The following SLC9A9 variants were observed in gnomAD, a reference collection of about 807,000 sequenced individuals.
SLC9A9 encodes the protein sodium/hydrogen exchanger 9.
In SLC9A9, 62 loss-of-function variants were observed where a neutral mutation model predicts 77.8. The observed-to-expected ratio is 0.80, with a 90% CI of 0.65 to 0.98. SLC9A9 has a LOEUF of 0.98. Among genes scored for constraint, SLC9A9 ranks in the 50% least tolerant of loss-of-function variants. The probability of loss-of-function intolerance (pLI) is 0.00; values close to 1 mark genes in which losing one functional copy is unlikely to be tolerated. For synonymous variants in SLC9A9, 320 were observed against 283.5 expected, an observed-to-expected ratio of 1.13 and a Z score of -1.29; for missense variants, 775 against 774.9, an observed-to-expected ratio of 1.00 and a Z score of 0.00.
intron 6 of SLC9A9, among the ~76,000 whole-genome samples, chr3:143,617,957 G>GGA (rs141088456): frequency 0.041 from 6,311 of 152,294 alleles, 243 homozygotes; most frequent in African/African-American, 0.1. Context: ...ATGGACTACA[G>GGA]GAGAGAGAGT....
At chr3:143,417,569 G>GGA (rs148720976) in intron 12 of SLC9A9, among the ~76,000 whole-genome samples, 74 of 150,990 alleles carry the variant, frequency 4.9e-4, no homozygotes, top group Non-Finnish European at 9.2e-4. Context: ...AGGGATGGAT[G>GGA]GAGAGAGAGA....
chr3:143,578,856 A>T (rs1195193733), intron 6 of SLC9A9, 133 bp from the exon 7 acceptor site: 2 of 1,031,006 alleles, frequency 1.9e-6, no homozygotes, highest in Non-Finnish European at 3.0e-6. Context: ...AGGGGAAAAC[A>T]GATACAGAAG....
chr3:143,354,030 A>G (rs1479466979), intron 14 of SLC9A9, among the ~76,000 whole-genome samples: 1 of 152,176 alleles, frequency 6.6e-6, no homozygotes, highest in African/African-American at 2.4e-5. Context: ...TAAGGGTTTC[A>G]CGCTTGACTT....
At chr3:143,473,023 T>C (rs2035406276) in intron 11 of SLC9A9, among the ~76,000 whole-genome samples, 1 of 150,714 alleles carries the variant, frequency 6.6e-6, no homozygotes. Context: ...TTTTTTTCAC[T>C]AGAAGTGCAC....
intron 12 of SLC9A9, among the ~76,000 whole-genome samples, chr3:143,419,307 C>T (rs547933023): frequency 6.6e-6 from 1 of 152,236 alleles, no homozygotes; most frequent in South Asian, 2.1e-4. Context: ...GCAGGGGGGG[C>T]ACAGAGAGCT....
intron 12 of SLC9A9, 178 bp from the exon 13 acceptor site, chr3:143,382,292 A>G (rs2033324000): frequency 1.5e-6 from 1 of 679,218 alleles, no homozygotes; most frequent in African/African-American, 1.8e-5. Flanking sequence ...AAGAACTTGA[A>G]CAGCTGGGCC....
At chr3:143,391,513 G>C (rs1465293780) in intron 12 of SLC9A9, among the ~76,000 whole-genome samples, 1 of 152,200 alleles carries the variant, frequency 6.6e-6, no homozygotes, top group Non-Finnish European at 1.5e-5. Context: ...AAACAGAGCA[G>C]AAATTCTGAA....
chr3:143,543,519 G>A (rs1298194111), intron 9 of SLC9A9, among the ~76,000 whole-genome samples: 1 of 152,066 alleles, frequency 6.6e-6, no homozygotes. Flanking sequence ...CACAGTAGTT[G>A]TATTGTCAAC....
chr3:143,700,373 C>G (rs1933761890), intron 4 of SLC9A9, among the ~76,000 whole-genome samples: 1 of 152,172 alleles, frequency 6.6e-6, no homozygotes, highest in Admixed American at 6.5e-5. Context: ...GACAGAGCAC[C>G]AGGCAGACTC....
At position 143,281,840 on chromosome 3, in the gene SLC9A9, C is replaced by T. The variant is rs186925632; in HGVS notation, c.1605-12860G>A. On this transcript the variant is annotated intron_variant, in intron 14 of 15. Transcript: ENST00000316549. ...AGATCAGAGGCCTCCATCACGGTTA[C>T]GTCCTTGCTAGATACTAGAACTGCA... Among the ~76,000 whole-genome samples, 478 of 152,306 alleles carry T rather than the reference C, an allele frequency of 3.1e-3. 1 individual carries two copies. Among genetic ancestry groups the T allele is most frequent in the African/African-American group, 0.011 (466 of 41,566 alleles).
chr3:143,797,279 C>T (rs955090914), intron 2 of SLC9A9, among the ~76,000 whole-genome samples: 10 of 151,736 alleles, frequency 6.6e-5, no homozygotes, highest in South Asian at 2.1e-4. Flanking sequence ...TTCGCTTTCC[C>T]TATTTTGTCC....
intron 4 of SLC9A9, among the ~76,000 whole-genome samples, chr3:143,768,510 G>T (rs909578079): frequency 6.6e-6 from 1 of 152,102 alleles, no homozygotes; most frequent in Non-Finnish European, 1.5e-5. Flanking sequence ...CAAGGCATTG[G>T]AACTACAGGG....
intron 2 of SLC9A9, among the ~76,000 whole-genome samples, chr3:143,817,149 T>A (rs967998183): frequency 7.0e-6 from 1 of 142,534 alleles, no homozygotes; most frequent in Non-Finnish European, 1.5e-5. Flanking sequence ...TTTTTTATTT[T>A]TTTTTTTTTT....
chr3:143,675,310 AGTGCAG>A (rs1043537259), intron 5 of SLC9A9, among the ~76,000 whole-genome samples: 2 of 152,242 alleles, frequency 1.3e-5, no homozygotes, highest in African/African-American at 4.8e-5. Flanking sequence ...ACACTTGTCA[AGTGCAG>A]GCTGGTTGGG....
intron 2 of SLC9A9, among the ~76,000 whole-genome samples, chr3:143,816,732 T>C (rs778170856): frequency 1.8e-4 from 27 of 152,216 alleles, no homozygotes; most frequent in Non-Finnish European, 3.7e-4. Context: ...TTAGTAGGTA[T>C]CACCAAATTA....
At chr3:143,433,845 T>G (rs893525164) in intron 12 of SLC9A9, among the ~76,000 whole-genome samples, 1 of 152,250 alleles carries the variant, frequency 6.6e-6, no homozygotes, top group Non-Finnish European at 1.5e-5. Context: ...AAGGTGCATA[T>G]GAAACCTTTC....
At chr3:143,785,613 G>A (rs1336736640) in intron 4 of SLC9A9, among the ~76,000 whole-genome samples, 2 of 152,166 alleles carry the variant, frequency 1.3e-5, no homozygotes, top group Admixed American at 1.3e-4. Flanking sequence ...TGTTTTGGGG[G>A]TAGTTTGTGA....
chr3:143,494,883 C>G (rs1052773511), intron 10 of SLC9A9, among the ~76,000 whole-genome samples: 10 of 152,132 alleles, frequency 6.6e-5, no homozygotes, highest in Non-Finnish European at 1.5e-4. Context: ...GATCATCTAT[C>G]CTATTTTTGA....
intron 4 of SLC9A9, among the ~76,000 whole-genome samples, chr3:143,722,290 G>C (rs899275656): frequency 6.6e-6 from 1 of 151,836 alleles, no homozygotes; most frequent in African/African-American, 2.4e-5. Flanking sequence ...TGGCTAAAGC[G>C]GTGAAACCCC....
Sources: gnomAD v4.1 joint callset for allele counts (sites outside exome capture counted in the v4.1 genomes callset) on GRCh38, gnomAD v4.1.1 for gene constraint, MANE v1.5 for transcripts, NCBI Gene and HGNC (gene_info 2026-07-23, HGNC 2026-07-21) for gene names.